FSTL4: variants seen among roughly 807,000 people sequenced by gnomAD.
The protein encoded by FSTL4 is follistatin like 4, also known as follistatin-related protein 4.
FSTL4 carries 28 observed loss-of-function variants against 78.2 expected under a neutral mutation model. That is an observed-to-expected ratio of 0.36 (90% CI 0.27 to 0.49). FSTL4 has a LOEUF of 0.49. FSTL4 is among the 20% of genes least tolerant of loss of function. The pLI is 0.98. For missense variants in FSTL4, 922 were observed against 1,084.9 expected (o/e 0.85, Z 2.11); for synonymous variants, 422 against 440.5 (o/e 0.96, Z 0.53).
chr5:133,644,903 C>T, the FSTL4 span, among the ~76,000 whole-genome samples: 1 of 152,066 alleles, frequency 6.6e-6, no homozygotes, highest in Admixed American at 6.5e-5. Context: ...ACTTCATTGG[C>T]CCCTCCCTGA....
chr5:133,483,574 C>G (rs1758071828), intron 3 of FSTL4, among the ~76,000 whole-genome samples: 1 of 152,234 alleles, frequency 6.6e-6, no homozygotes, highest in Non-Finnish European at 1.5e-5. Context: ...TACCCTCTGA[C>G]ACTGGCTTCA....
At chr5:133,359,096 A>G (rs143109960) in intron 4 of FSTL4, among the ~76,000 whole-genome samples, 75 of 152,292 alleles carry the variant, frequency 4.9e-4, no homozygotes, top group African/African-American at 1.6e-3. Context: ...TTCTAGCTAG[A>G]GCGTGATGTG....
chr5:133,543,486 T>A (rs1759517219), intron 3 of FSTL4, among the ~76,000 whole-genome samples: 1 of 152,368 alleles, frequency 6.6e-6, no homozygotes, highest in East Asian at 1.9e-4. Flanking sequence ...GGTAAATACA[T>A]ACTTGGAATA....
intron 3 of FSTL4, among the ~76,000 whole-genome samples, chr5:133,511,429 T>C (rs1758728793): frequency 1.3e-5 from 2 of 152,196 alleles, no homozygotes; most frequent in African/African-American, 2.4e-5. Context: ...CACAGCCTCT[T>C]CTAAGGAAAA....
intron 6 of FSTL4, among the ~76,000 whole-genome samples, chr5:133,285,838 G>A (rs1753115089): frequency 6.6e-6 from 1 of 152,238 alleles, no homozygotes; most frequent in South Asian, 2.1e-4. Context: ...GGATGGGCCT[G>A]CAGGCTAGGC....
chr5:133,395,117 G>A (rs1755977024), intron 4 of FSTL4, among the ~76,000 whole-genome samples: 3 of 152,276 alleles, frequency 2.0e-5, no homozygotes, highest in South Asian at 4.1e-4. Flanking sequence ...TCAGCAGGAC[G>A]TGGGTGGGGC....
chr5:133,796,602 A>G, the FSTL4 span, among the ~76,000 whole-genome samples: 62 of 152,074 alleles, frequency 4.1e-4, no homozygotes, highest in African/African-American at 1.5e-3. Flanking sequence ...GACCACCCCC[A>G]ACCAAACTCC....
chr5:133,788,632 G>T, the FSTL4 span, among the ~76,000 whole-genome samples: 2 of 152,260 alleles, frequency 1.3e-5, no homozygotes, highest in East Asian at 1.9e-4. Context: ...TCTCTCTCGC[G>T]GCAAACACAA....
intron 2 of FSTL4, among the ~76,000 whole-genome samples, chr5:133,596,495 A>T (rs1760739503): frequency 6.6e-6 from 1 of 152,172 alleles, no homozygotes; most frequent in Non-Finnish European, 1.5e-5. Context: ...AAATAACACA[A>T]AACCTTAACC....
chr5:133,772,670 G>A, the FSTL4 span, among the ~76,000 whole-genome samples: 21 of 152,246 alleles, frequency 1.4e-4, no homozygotes, highest in Admixed American at 1.3e-4. Context: ...GTGCACGAGA[G>A]AGCCAGGGAG....
In FSTL4 at chr5:133,612,140, C is replaced by A. The variant is rs1164445923; in HGVS notation, c.-11+185G>T. 2.0e-5 allele frequency among the ~76,000 whole-genome samples: 3 copies of A among 152,016 alleles called. No homozygotes were observed. Among genetic ancestry groups the A allele is most frequent in the Non-Finnish European group, 4.4e-5 (3 of 67,956 alleles). ...CCGAGCCCTGGCCCAGCGGTCCCTT[C>A]CCCGCGGGCAAACTTGGCTTTCCCG... On this transcript the variant is annotated intron_variant, in intron 1 of 15. Transcript: ENST00000265342. This position sits in a 1 kb window ranked among gnomAD's most constrained non-coding sequence, Gnocchi z 6.2.
Position 133,202,018 on chromosome 5 carries a change from G to T in FSTL4, c.1741C>A (p.Gln581Lys). 6.2e-7 allele frequency: 1 copy of T among 1,610,626 alleles called. No homozygotes were observed. ...GGTGTGCGGATGAGGTGCTGGCTCT[G>T]GCCGGTGCTGGCTTCTGTGATCACC... ...LQVITEASTGQSQHLIRTPFA... is the reference protein window; with the variant it reads ...LQVITEASTGKSQHLIRTPFA... The change falls in exon 15 of 16, where the codon CAG (glutamine) becomes AAG (lysine). Residue 581 changes from glutamine to lysine, a missense_variant. Coordinates refer to ENST00000265342, the MANE Select transcript of FSTL4 (RefSeq NM_015082.2).
At chr5:133,277,304 C>T (rs1202624703) in intron 6 of FSTL4, among the ~76,000 whole-genome samples, 5 of 146,862 alleles carry the variant, frequency 3.4e-5, no homozygotes, top group Non-Finnish European at 6.0e-5. Flanking sequence ...CAGAGCAAGA[C>T]TCGGTCTCAA....
At chr5:133,364,295 G>T (rs1269671452) in intron 4 of FSTL4, among the ~76,000 whole-genome samples, 2 of 152,116 alleles carry the variant, frequency 1.3e-5, no homozygotes, top group Admixed American at 6.5e-5. Context: ...TTGGGGGTGT[G>T]GGGGTGGGTG....
chr5:133,534,931 G>A (rs1759322424), intron 3 of FSTL4, among the ~76,000 whole-genome samples: 1 of 152,174 alleles, frequency 6.6e-6, no homozygotes, highest in Admixed American at 6.5e-5. Context: ...GGAAAAAGGG[G>A]TGCTATGAAC....
At chr5:133,809,461 C>A in the FSTL4 span, among the ~76,000 whole-genome samples, 1 of 151,576 alleles carries the variant, frequency 6.6e-6, no homozygotes, top group African/African-American at 2.4e-5. Context: ...TTTGCTACCC[C>A]CAAAGCTCTC....
chr5:133,423,654 G>A (rs968259413), intron 3 of FSTL4, among the ~76,000 whole-genome samples: 1 of 152,182 alleles, frequency 6.6e-6, no homozygotes, highest in Non-Finnish European at 1.5e-5. Flanking sequence ...CAATGGTAGT[G>A]GTGACGGCAG....
chr5:133,510,123 TC>T lies in FSTL4; in HGVS notation c.160+57062del, dbSNP rs777980207. Among the ~76,000 whole-genome samples, 8 of 152,236 alleles carry T rather than the reference TC, an allele frequency of 5.3e-5. No homozygotes were observed. In the East Asian group the frequency reaches 1.5e-3, roughly 29 times the overall value. On this transcript the variant is annotated intron_variant, in intron 3 of 15. Coordinates refer to ENST00000265342, the MANE Select transcript of FSTL4 (RefSeq NM_015082.2). ...CCCTATGAGGAAGGCACCAGCATTATCCCCATTTTACAGTTGAAAGAACTGA... is the reference window on the plus strand; with the variant it reads ...CCCTATGAGGAAGGCACCAGCATTATCCCATTTTACAGTTGAAAGAACTGA...
At chr5:133,445,729 G>T (rs778951573) in intron 3 of FSTL4, among the ~76,000 whole-genome samples, 2 of 152,160 alleles carry the variant, frequency 1.3e-5, no homozygotes, top group Non-Finnish European at 2.9e-5. Flanking sequence ...GCCCTCCCGG[G>T]TCCCCAGGCC....
Sources: gnomAD v4.1 joint callset for allele counts (sites outside exome capture counted in the v4.1 genomes callset) on GRCh38, gnomAD v4.1.1 for gene constraint, Gnocchi (gnomAD v3.1) non-coding constraint, MANE v1.5 for transcripts, NCBI Gene and HGNC (gene_info 2026-07-23, HGNC 2026-07-21) for gene names.